The following TMEM229B variants were observed in gnomAD, a reference collection of about 807,000 sequenced individuals.
The protein encoded by TMEM229B is chromosome 14 open reading frame 83.
TMEM229B carries 6 observed loss-of-function variants against 13.7 expected under a neutral mutation model. The ratio of observed to expected loss-of-function variants is 0.44; its 90% CI spans 0.24 to 0.86. TMEM229B has a LOEUF of 0.86. TMEM229B is among the 40% of genes least tolerant of loss of function. The pLI is 0.23. For missense variants in TMEM229B, 170 were observed against 236.0 expected, an observed-to-expected ratio of 0.72 and a Z score of 1.83; for synonymous variants, 107 against 102.1, an observed-to-expected ratio of 1.05 and a Z score of -0.29.
intron 1 of TMEM229B, among the ~76,000 whole-genome samples, chr14:67,531,910 C>CAAA (rs5809352): frequency 1.5e-4 from 12 of 79,568 alleles, no homozygotes; most frequent in African/African-American, 4.9e-4. Flanking sequence ...AACCTATGTC[C>CAAA]AAAAAAAAAA....
At chr14:67,525,249 T>C (rs2033349065) in intron 1 of TMEM229B, among the ~76,000 whole-genome samples, 1 of 152,184 alleles carries the variant, frequency 6.6e-6, no homozygotes, top group Non-Finnish European at 1.5e-5. Context: ...TATAGTTATA[T>C]GTATACAGTT....
At chr14:67,516,980 G>A (rs1191362415), upstream of TMEM229B, among the ~76,000 whole-genome samples, 1 of 152,198 alleles carries the variant, frequency 6.6e-6, no homozygotes. Context: ...ATGACCCAAG[G>A]ACATCATGCA....
intron 1 of TMEM229B, among the ~76,000 whole-genome samples, chr14:67,514,731 T>G (rs903052054): frequency 5.3e-5 from 8 of 151,478 alleles, no homozygotes; most frequent in Non-Finnish European, 1.2e-4. Context: ...GAAGAGGAGG[T>G]GTCAACCTAC....
At chr14:67,486,502 T>C (rs2031889976) in intron 2 of TMEM229B, among the ~76,000 whole-genome samples, 1 of 152,186 alleles carries the variant, frequency 6.6e-6, no homozygotes, top group African/African-American at 2.4e-5. Flanking sequence ...CTCAATCTGT[T>C]GACCTTGCGA....
At chr14:67,531,537 G>A (rs1316509795) in intron 1 of TMEM229B, among the ~76,000 whole-genome samples, 2 of 151,914 alleles carry the variant, frequency 1.3e-5, no homozygotes, top group Non-Finnish European at 2.9e-5. Flanking sequence ...CTCTACAGAA[G>A]TAACCAGCTA....
rs1344024433 is a variant in TMEM229B at position 67,471,626 on chromosome 14, C to G, written c.*1794G>C. The stretch of plus-strand genomic sequence containing the variant: ...TCATCCCTGGATTTGAGGAGCCTGC[C>G]CAGGAAATAGGCTAGGAAATACCCT... On this transcript the variant is annotated 3_prime_UTR_variant, in exon 3 of 3. Transcript: ENST00000554480. 2 of 152,194 alleles carry G rather than the reference C, an allele frequency of 1.3e-5. No homozygotes were observed. The highest frequency in any genetic ancestry group is 3.9e-4 in the East Asian group (2 of 5,194). 9.4% of individuals were successfully genotyped at this position (152,194 alleles called of 1,614,324 possible).
At chr14:67,489,490 TGAA>T (rs1288648177), upstream of TMEM229B, among the ~76,000 whole-genome samples, 1 of 152,188 alleles carries the variant, frequency 6.6e-6, no homozygotes, top group Non-Finnish European at 1.5e-5. Context: ...GCTGGGAGCG[TGAA>T]GAAGCAGAGA....
intron 1 of TMEM229B, chr14:67,533,209 G>A (rs1355330191): frequency 6.6e-6 from 1 of 152,028 alleles, no homozygotes; most frequent in Middle Eastern, 3.2e-3. Context: ...GCTTTGTGCA[G>A]CGAGCCCGCG....
intron 2 of TMEM229B, among the ~76,000 whole-genome samples, chr14:67,486,686 T>C (rs1566681104): frequency 6.6e-6 from 1 of 152,192 alleles, no homozygotes; most frequent in Non-Finnish European, 1.5e-5. Context: ...TTGTGAGGCT[T>C]CCCCAGACAC....
chr14:67,529,196 C>T (rs191811893), intron 1 of TMEM229B, among the ~76,000 whole-genome samples: 55 of 152,252 alleles, frequency 3.6e-4, no homozygotes, highest in Non-Finnish European at 1.5e-4. Context: ...GATTTACAAA[C>T]GAGGAACACC....
At chr14:67,480,827 C>T (rs1449605765) in intron 2 of TMEM229B, among the ~76,000 whole-genome samples, 1 of 152,198 alleles carries the variant, frequency 6.6e-6, no homozygotes, top group African/African-American at 2.4e-5. Flanking sequence ...TCTGATCTCT[C>T]TGGGATGGCC....
intron 2 of TMEM229B, among the ~76,000 whole-genome samples, chr14:67,486,668 C>T (rs974425436): frequency 6.6e-6 from 1 of 152,162 alleles, no homozygotes; most frequent in African/African-American, 2.4e-5. Context: ...CCTTGCCTTC[C>T]ACCATGATTG....
chr14:67,513,712 GTCC>G (rs542714497), intron 1 of TMEM229B, among the ~76,000 whole-genome samples: 93 of 152,276 alleles, frequency 6.1e-4, no homozygotes, highest in African/African-American at 2.1e-3. Context: ...AGGCGGGAGA[GTCC>G]TCCACCAGTC....
chr14:67,496,394 T>TTTTTG (rs2032372661), intron 1 of TMEM229B, among the ~76,000 whole-genome samples: 2 of 71,168 alleles, frequency 2.8e-5, no homozygotes, highest in Non-Finnish European at 5.9e-5. Flanking sequence ...CTCCGGCGTT[T>TTTTTG]TTTTTTTTTT....
At position 67,486,570 on chromosome 14, in the gene TMEM229B, G is replaced by A. The variant is rs560751899; in HGVS notation, c.-19+430C>T. Among the ~76,000 whole-genome samples the A allele has an allele frequency of 3.3e-5, 5 of 152,300 alleles. No individual in the cohort carries two copies. The South Asian group carries it at 8.3e-4, about 25-fold the overall frequency. On this transcript the variant is annotated intron_variant, in intron 2 of 2. Transcript: ENST00000554480. ...TTACAGGCGTGAGCCACAGTGCCCG[G>A]CTGATCTGATGGTTTTATAAGGGAG...
At chr14:67,499,206 G>T (rs568664992) in intron 1 of TMEM229B, among the ~76,000 whole-genome samples, 1 of 151,986 alleles carries the variant, frequency 6.6e-6, no homozygotes, top group Non-Finnish European at 1.5e-5. Context: ...GTCCTGCTAT[G>T]TTGCTCAGGC....
intron 2 of TMEM229B, among the ~76,000 whole-genome samples, chr14:67,483,472 G>T (rs1296853590): frequency 6.6e-6 from 1 of 152,232 alleles, no homozygotes; most frequent in Non-Finnish European, 1.5e-5. Context: ...CTTCTGGAAG[G>T]CTGGGATGGT....
chr14:67,531,985 G>A (rs910080977), intron 1 of TMEM229B, among the ~76,000 whole-genome samples: 8 of 151,776 alleles, frequency 5.3e-5, no homozygotes, highest in African/African-American at 1.7e-4. Flanking sequence ...GTGTTTTTGG[G>A]CTTCCTTATG....
At chr14:67,515,729 G>A (rs2033186412), upstream of TMEM229B, among the ~76,000 whole-genome samples, 1 of 152,322 alleles carries the variant, frequency 6.6e-6, no homozygotes, top group African/African-American at 2.4e-5. Flanking sequence ...TTGTAGTTGT[G>A]GGGACCAGGC....
Sources: allele counts gnomAD v4.1 joint callset (sites outside exome capture counted in the v4.1 genomes callset), GRCh38; gene constraint gnomAD v4.1.1; transcripts MANE v1.5; gene names NCBI Gene and HGNC (gene_info 2026-07-23, HGNC 2026-07-21).